The following GAB2 variants were observed in gnomAD, a reference collection of about 807,000 sequenced individuals.
GAB2 encodes GRB2-associated-binding protein 2.
GAB2 carries 26 observed loss-of-function variants against 65.5 expected under a neutral mutation model. That is an observed-to-expected ratio of 0.40 (90% confidence interval 0.29 to 0.55). The LOEUF (loss-of-function observed/expected upper bound fraction) is 0.55. Among genes scored for constraint, GAB2 ranks in the 20% least tolerant of loss-of-function variants. The pLI is 0.53. For missense variants in GAB2, 884 were observed against 875.8 expected (o/e 1.01, Z -0.12); for synonymous variants, 321 against 329.6 (o/e 0.97, Z 0.28).
Position 78,222,213 on chromosome 11 carries a change from A to G in GAB2, c.1568-18T>C. ...TGGCTTTGCTGGAGCAGGAAAAGAAAGTCTGGTAATCAGCCAGTAATGATA... is the reference window on the plus strand; with the variant it reads ...TGGCTTTGCTGGAGCAGGAAAAGAAGGTCTGGTAATCAGCCAGTAATGATA... On this transcript the variant is annotated intron_variant, in intron 6 of 9. Transcript: ENST00000361507. The G allele has an allele frequency of 6.4e-7, 1 of 1,572,490 alleles. No homozygotes were observed. The highest frequency in any genetic ancestry group is 1.1e-5 in the South Asian group (1 of 90,200).
intron 1 of GAB2, among the ~76,000 whole-genome samples, chr11:78,409,189 T>C (rs536464419): frequency 5.7e-4 from 87 of 152,198 alleles, no homozygotes; most frequent in African/African-American, 2.1e-3. Flanking sequence ...AGATAACAAG[T>C]AGACCTCAGA....
chr11:78,415,533 G>T (rs1857184501), intron 1 of GAB2, among the ~76,000 whole-genome samples: 2 of 152,204 alleles, frequency 1.3e-5, no homozygotes. Context: ...ACCAGTTTCA[G>T]TTAGGGGGAA....
chr11:78,333,817 C>T lies in GAB2; in HGVS notation c.76-52916G>A, dbSNP rs554310854. 1.2e-3 allele frequency among the ~76,000 whole-genome samples: 176 copies of T among 152,322 alleles called. 1 individual carries two copies. The highest frequency in any genetic ancestry group is 4.0e-3 in the African/African-American group (166 of 41,574). On this transcript the variant is annotated intron_variant, in intron 1 of 9. Transcript: ENST00000361507. ...CTCCTAAATCCTTTAGATTACCTGA[C>T]ACCACAATTTCCTGCATTTCTATCC... is the stretch of plus-strand genomic sequence containing the variant.
At chr11:78,291,549 TTTTTTC>T (rs1214233360) in intron 1 of GAB2, among the ~76,000 whole-genome samples, 3,051 of 100,364 alleles carry the variant, frequency 0.03, 348 homozygotes, top group African/African-American at 0.14. Flanking sequence ...AGAGACTTAC[TTTTTTC>T]TTTTTCTTTT....
In GAB2 at chr11:78,217,565, T is replaced by C. The variant is rs1864210646; in HGVS notation, c.*1707A>G. 1 of 152,202 alleles carries C rather than the reference T, an allele frequency of 6.6e-6. No individual in the cohort carries two copies. The allele number at this position is 152,202 out of a possible 1,614,324, so 9.4% of individuals were successfully genotyped here. A position where few individuals can be genotyped will look rare whatever the true frequency, so the allele number is the denominator to read the frequency against. On this transcript the variant is annotated 3_prime_UTR_variant, in exon 10 of 10. Coordinates refer to ENST00000361507, the MANE Select transcript of GAB2 (RefSeq NM_080491.3). ...ATTGTTTGGGAGGAAGAAGTTCTGT[T>C]CGCCCCAGGGTAGAATGAAACGTCT... is the stretch of plus-strand genomic sequence containing the variant.
intron 9 of GAB2, 111 bp from the exon 10 acceptor site, chr11:78,219,526 G>T (rs1253904687): frequency 1.1e-5 from 10 of 938,434 alleles, no homozygotes; most frequent in African/African-American, 1.6e-5. Context: ...GAAGAGCATG[G>T]CCTCTGCCTG....
intron 1 of GAB2, among the ~76,000 whole-genome samples, chr11:78,299,910 G>T (rs148550167): frequency 2.2e-3 from 339 of 152,200 alleles, no homozygotes; most frequent in African/African-American, 7.9e-3. Flanking sequence ...AATGACCCTG[G>T]GCTGATCCTT....
intron 1 of GAB2, among the ~76,000 whole-genome samples, chr11:78,310,791 G>C (rs1218249488): frequency 6.6e-6 from 1 of 152,154 alleles, no homozygotes. Flanking sequence ...GTGTGGGAAA[G>C]AGCAAAGTTC....
chr11:78,329,201 G>A (rs1855874507), intron 1 of GAB2, among the ~76,000 whole-genome samples: 1 of 152,158 alleles, frequency 6.6e-6, no homozygotes, highest in South Asian at 2.1e-4. Context: ...ATTTAAAAAT[G>A]TTAGCAAAAA....
intron 1 of GAB2, among the ~76,000 whole-genome samples, chr11:78,370,090 T>C (rs1429635975): frequency 2.0e-5 from 3 of 151,312 alleles, no homozygotes; most frequent in Non-Finnish European, 4.4e-5. Context: ...ACCCCGTCTC[T>C]ACTAAAAATA....
At chr11:78,362,052 T>C (rs1050492012) in intron 1 of GAB2, among the ~76,000 whole-genome samples, 1 of 150,668 alleles carries the variant, frequency 6.6e-6, no homozygotes, top group Non-Finnish European at 1.5e-5. Context: ...TGTATCAATA[T>C]GGAAAGAGCA....
intron 3 of GAB2, among the ~76,000 whole-genome samples, chr11:78,244,022 C>T (rs952923309): frequency 7.9e-5 from 12 of 151,820 alleles, no homozygotes; most frequent in African/African-American, 2.9e-4. Flanking sequence ...AAAAGTCTCC[C>T]ATCAAAAGCA....
chr11:78,294,265 A>G (rs892615103), intron 1 of GAB2, among the ~76,000 whole-genome samples: 1 of 152,158 alleles, frequency 6.6e-6, no homozygotes, highest in Non-Finnish European at 1.5e-5. Flanking sequence ...TTATGGCTGC[A>G]TAGTATTCCA....
intron 1 of GAB2, among the ~76,000 whole-genome samples, chr11:78,399,632 C>T (rs1305025503): frequency 1.3e-5 from 2 of 152,200 alleles, no homozygotes; most frequent in African/African-American, 2.4e-5. Context: ...TTGAGAATTT[C>T]AGTTATGTTC....
intron 1 of GAB2, among the ~76,000 whole-genome samples, chr11:78,398,021 T>TACACACACACACACACACACACACACAC (rs1554999817): frequency 1.8e-3 from 205 of 112,516 alleles, no homozygotes; most frequent in African/African-American, 6.1e-3. Context: ...TGTGAATAGC[T>TACACACACACACACACACACACACACAC]ACACACACAC....
chr11:78,310,099 T>G (rs995365720), intron 1 of GAB2, among the ~76,000 whole-genome samples: 1 of 151,954 alleles, frequency 6.6e-6, no homozygotes, highest in African/African-American at 2.4e-5. Flanking sequence ...GGATAAAATC[T>G]CGCATAACAA....
intron 1 of GAB2, 85 bp downstream of exon 1, chr11:78,417,561 C>T: frequency 1.4e-6 from 1 of 708,938 alleles, no homozygotes; most frequent in Non-Finnish European, 1.8e-6. Context: ...GCTCCCCAGC[C>T]TGCCGCCCCT....
intron 3 of GAB2, among the ~76,000 whole-genome samples, chr11:78,242,276 G>C (rs761337806): frequency 6.6e-6 from 1 of 152,044 alleles, no homozygotes; most frequent in Non-Finnish European, 1.5e-5. Context: ...GCCAAGGTGG[G>C]CGGATCACGA....
rs542437919 is a variant in GAB2 at position 78,345,483 on chromosome 11, G to C, written c.76-64582C>G. Among the ~76,000 whole-genome samples, 160 of 152,304 alleles carry C rather than the reference G, an allele frequency of 1.1e-3. 1 individual carries two copies. Among genetic ancestry groups the C allele is most frequent in the African/African-American group, 3.6e-3 (151 of 41,562 alleles). ...AGTGCTTCTAGTTGGTACTAACTCT[G>C]ATCTGTCTCTCTGTAGCTAACTCCT... On this transcript the variant is annotated intron_variant, in intron 1 of 9. Coordinates refer to ENST00000361507, the MANE Select transcript of GAB2 (RefSeq NM_080491.3).
Sources: gnomAD v4.1 joint callset for allele counts (sites outside exome capture counted in the v4.1 genomes callset) on GRCh38, gnomAD v4.1.1 for gene constraint, MANE v1.5 for transcripts, NCBI Gene and HGNC (gene_info 2026-07-23, HGNC 2026-07-21) for gene names.